Variants in ALK observed in about 807,000 individuals in gnomAD.
ALK encodes the protein ALK receptor tyrosine kinase.
Under a neutral mutation model 163.1 loss-of-function variants are expected in ALK, and 74 were observed. The ratio of observed to expected loss-of-function variants is 0.45; its 90% confidence interval spans 0.38 to 0.55. The LOEUF (loss-of-function observed/expected upper bound fraction) is 0.55, where lower values mean the gene tolerates loss of function less well. Among genes scored for constraint, ALK ranks in the 20% least tolerant of loss-of-function variants. ALK has a pLI of 0.00. For missense variants in ALK, 2,063 were observed against 2,105.3 expected, an observed-to-expected ratio of 0.98 and a Z score of 0.39; for synonymous variants, 960 against 843.2, an observed-to-expected ratio of 1.14 and a Z score of -2.40.
intron 3 of ALK, among the ~76,000 whole-genome samples, chr2:29,564,559 C>T (rs576559539): frequency 2.0e-5 from 3 of 152,296 alleles, no homozygotes; most frequent in South Asian, 4.1e-4. Flanking sequence ...GAGGAGCTGC[C>T]TCACACTGGA....
Position 29,383,807 on chromosome 2 carries a change from C to T in ALK, c.1207G>A (p.Ala403Thr), listed in dbSNP as rs1267269954. 6.2e-7 allele frequency: 1 copy of T among 1,614,134 alleles called. No homozygotes were observed. The highest frequency in any genetic ancestry group is 8.5e-7 in the Non-Finnish European group (1 of 1,179,992). The change falls in exon 5 of 29, where the codon GCC (alanine) becomes ACC (threonine). Residue 403 changes from alanine to threonine, a missense_variant. By Grantham distance (58) the Ala-to-Thr change is moderately conservative (BLOSUM62 0). Transcript: ENST00000389048. ...TTTCCACTGGAGATGTATTCCAGGG[C>T]CACTCGAAATGGGTTGTCTGGACGC... ...IGRPDNPFRV[A>T]LEYISSGNRS...
chr2:29,848,228 C>T (rs1298014877), intron 1 of ALK, among the ~76,000 whole-genome samples: 3 of 151,942 alleles, frequency 2.0e-5, no homozygotes, highest in African/African-American at 7.3e-5. Context: ...GATGTCAGTG[C>T]GAAAGGCAAA....
At chr2:29,270,947 C>T (rs2148212151) in intron 11 of ALK, among the ~76,000 whole-genome samples, 1 of 152,320 alleles carries the variant, frequency 6.6e-6, no homozygotes, top group African/African-American at 2.4e-5. Context: ...GGCTTCCTCC[C>T]TGTCCCCAGC....
intron 3 of ALK, among the ~76,000 whole-genome samples, chr2:29,609,970 G>A (rs1268467340): frequency 6.6e-6 from 1 of 152,078 alleles, no homozygotes; most frequent in Non-Finnish European, 1.5e-5. Context: ...ATTTTCCTTA[G>A]GTTGAGATAA....
intron 3 of ALK, among the ~76,000 whole-genome samples, chr2:29,642,305 T>G (rs1384634898): frequency 6.6e-6 from 1 of 152,206 alleles, no homozygotes; most frequent in Non-Finnish European, 1.5e-5. Flanking sequence ...GAAACCAACT[T>G]TCTAGCAGAA....
intron 4 of ALK, among the ~76,000 whole-genome samples, chr2:29,400,683 A>C (rs1434365537): frequency 6.6e-6 from 1 of 152,200 alleles, no homozygotes; most frequent in African/African-American, 2.4e-5. Flanking sequence ...TCCCAATAAA[A>C]GCAGATGTTG....
intron 3 of ALK, among the ~76,000 whole-genome samples, chr2:29,598,175 C>T (rs755751476): frequency 8.5e-5 from 13 of 152,214 alleles, no homozygotes; most frequent in South Asian, 4.2e-4. Context: ...TACAGGTGTG[C>T]GCCACCACGC....
intron 8 of ALK, among the ~76,000 whole-genome samples, chr2:29,315,044 A>ATAAAAG (rs1309846448): frequency 6.6e-6 from 1 of 152,222 alleles, no homozygotes; most frequent in Non-Finnish European, 1.5e-5. Context: ...AAAAATAAAA[A>ATAAAAG]TAACATCAGA....
At chr2:29,292,848 C>T (rs1161581384) in intron 9 of ALK, among the ~76,000 whole-genome samples, 1 of 152,174 alleles carries the variant, frequency 6.6e-6, no homozygotes, top group Admixed American at 6.5e-5. Context: ...GGATCAATGC[C>T]TCCCTGTCAC....
At chr2:29,400,856 C>T (rs1573320594) in intron 4 of ALK, among the ~76,000 whole-genome samples, 1 of 152,020 alleles carries the variant, frequency 6.6e-6, no homozygotes. Context: ...ATGCCTGTAG[C>T]CCCAGCTACT....
At chr2:29,348,075 A>G (rs1221435988) in intron 5 of ALK, among the ~76,000 whole-genome samples, 1 of 152,100 alleles carries the variant, frequency 6.6e-6, no homozygotes, top group Non-Finnish European at 1.5e-5. Flanking sequence ...ACAGGCTGAG[A>G]ACTGGTCTTC....
chr2:29,806,163 T>G (rs1159389390), intron 1 of ALK, among the ~76,000 whole-genome samples: 1 of 152,154 alleles, frequency 6.6e-6, no homozygotes, highest in African/African-American at 2.4e-5. Flanking sequence ...TGGAAAGGCC[T>G]GAATCCCTTA....
At chr2:29,464,736 G>A (rs1671166959) in intron 4 of ALK, among the ~76,000 whole-genome samples, 1 of 152,184 alleles carries the variant, frequency 6.6e-6, no homozygotes. Flanking sequence ...GGTGCTATTG[G>A]CATCCAATGG....
intron 1 of ALK, among the ~76,000 whole-genome samples, chr2:29,802,683 C>G (rs1331814274): frequency 1.3e-5 from 2 of 151,582 alleles, no homozygotes; most frequent in African/African-American, 4.9e-5. Context: ...TTTTTCTCTA[C>G]CCATCCCCTT....
rs116135875 is a variant in ALK at position 29,837,021 on chromosome 2, C to T, written c.667+82972G>A. Among the ~76,000 whole-genome samples, 1,284 of 152,284 alleles carry T rather than the reference C, an allele frequency of 8.4e-3. 23 individuals carry two copies. Among genetic ancestry groups the T allele is most frequent in the African/African-American group, 0.028 (1,176 of 41,562 alleles). ...AGCAGGCAGTAAAGGACTGTAATCCCTGATCCCACTGTGAACACAGACATC... is the reference window on the plus strand; with the variant it reads ...AGCAGGCAGTAAAGGACTGTAATCCTTGATCCCACTGTGAACACAGACATC... On this transcript the variant is annotated intron_variant, in intron 1 of 28. Coordinates refer to ENST00000389048, the MANE Select transcript of ALK (RefSeq NM_004304.5).
chr2:29,899,825 CA>C (rs113853213), intron 1 of ALK: 9,650 of 111,014 alleles, frequency 0.087, 391 homozygotes, highest in East Asian at 0.16. Context: ...GACCCCATCT[CA>C]AAAAAAAAAA....
At chr2:29,748,599 T>C (rs968277809) in intron 1 of ALK, among the ~76,000 whole-genome samples, 3 of 152,174 alleles carry the variant, frequency 2.0e-5, no homozygotes, top group Non-Finnish European at 4.4e-5. Flanking sequence ...GGGAAGCATG[T>C]TGAACAGACA....
chr2:29,551,912 C>T (rs1251912911), intron 3 of ALK, among the ~76,000 whole-genome samples: 1 of 152,186 alleles, frequency 6.6e-6, no homozygotes, highest in African/African-American at 2.4e-5. Context: ...CATTCAGTGG[C>T]ATTATGTACA....
At chr2:29,424,379 A>C (rs774123507) in intron 4 of ALK, among the ~76,000 whole-genome samples, 12 of 152,222 alleles carry the variant, frequency 7.9e-5, no homozygotes, top group Non-Finnish European at 1.6e-4. Flanking sequence ...AAATAAACTC[A>C]AAGGGAAGAC....
Sources: allele counts gnomAD v4.1 joint callset (sites outside exome capture counted in the v4.1 genomes callset), GRCh38; gene constraint gnomAD v4.1.1; transcripts MANE v1.5; gene names NCBI Gene and HGNC (gene_info 2026-07-23, HGNC 2026-07-21).